Variants in TBX5 observed in about 807,000 individuals in gnomAD.
TBX5 encodes the protein T-box transcription factor 5.
TBX5 carries 8 observed loss-of-function variants against 51.1 expected under a neutral mutation model. The ratio of observed to expected loss-of-function variants is 0.16; its 90% CI spans 0.09 to 0.28. The LOEUF (loss-of-function observed/expected upper bound fraction) is 0.28. Ranked by LOEUF, TBX5 falls within the 10% of genes least tolerant of loss-of-function variation. TBX5 has a pLI of 1.00. For synonymous variants in TBX5, 302 were observed against 266.4 expected (o/e 1.13, Z -1.30); for missense variants, 589 against 671.7 (o/e 0.88, Z 1.36).
rs757883947 is a variant in TBX5, at chr12:114,356,549, G to T, written c.983-443C>A. On this transcript the variant is annotated intron_variant, in intron 8 of 8. Transcript: ENST00000405440. ...GTTTGAGACCAGCCTGGGCAACATA[G>T]TGAGACCCCCCATCTCAAAAATAAA... Among the ~76,000 whole-genome samples the T allele has an allele frequency of 2.6e-5, 4 of 152,116 alleles. No homozygotes were observed. The South Asian group carries it at 8.3e-4, about 32-fold the overall frequency.
intron 7 of TBX5, among the ~76,000 whole-genome samples, chr12:114,378,700 G>A (rs571338359): frequency 7.6e-4 from 116 of 152,202 alleles, no homozygotes; most frequent in Non-Finnish European, 1.2e-3. Context: ...GCAGTGGCAC[G>A]ATCTGGGCTC....
At position 114,354,435 on chromosome 12, in the gene TBX5, A is replaced by G. The variant is rs1294645676; in HGVS notation, c.*1097T>C. The G allele has an allele frequency of 2.0e-5, 3 of 152,032 alleles. No homozygotes were observed. The highest frequency in any genetic ancestry group is 2.0e-4 in the Admixed American group (3 of 15,262). 9.4% of individuals were successfully genotyped at this position (152,032 alleles called of 1,614,324 possible). On this transcript the variant is annotated 3_prime_UTR_variant, in exon 9 of 9. Coordinates refer to ENST00000405440, the MANE Select transcript of TBX5 (RefSeq NM_181486.4). ...TCAGTAAACACAGTTTTGTGTTGGC[A>G]TTGGTGTGGGCGTGGTTTCTTTGGC... is the stretch of plus-strand genomic sequence containing the variant.
At chr12:114,364,178 C>A (rs535245141) in intron 8 of TBX5, among the ~76,000 whole-genome samples, 9 of 152,290 alleles carry the variant, frequency 5.9e-5, no homozygotes, top group African/African-American at 2.2e-4. Context: ...TCATGTAACC[C>A]CAGCTCCAGA....
chr12:114,359,038 C>T (rs545315162), intron 8 of TBX5, among the ~76,000 whole-genome samples: 1 of 151,084 alleles, frequency 6.6e-6, no homozygotes. Flanking sequence ...AAAAACAAGG[C>T]AAACTAACTA....
At chr12:114,359,922 C>A (rs16944097) in intron 8 of TBX5, among the ~76,000 whole-genome samples, 11,887 of 152,248 alleles carry the variant, frequency 0.078, 617 homozygotes, top group South Asian at 0.17. Flanking sequence ...TGGGTCCATT[C>A]TCTTTTCCCT....
upstream of TBX5, chr12:114,407,904 C>A (rs1565945137): frequency 3.0e-6 from 3 of 985,406 alleles, no homozygotes; most frequent in East Asian, 3.4e-4. Flanking sequence ...TGAAAAGGAC[C>A]ACCAAAAGAG....
At chr12:114,394,659 G>C in intron 6 of TBX5, 82 bp downstream of exon 6, 3 of 1,598,784 alleles carry the variant, frequency 1.9e-6, no homozygotes, top group Non-Finnish European at 2.6e-6. Flanking sequence ...GAGGAGCAAA[G>C]TTCCAGCAGG....
chr12:114,376,623 TTAAC>T (rs1870205436), intron 7 of TBX5, among the ~76,000 whole-genome samples: 1 of 151,264 alleles, frequency 6.6e-6, no homozygotes, highest in East Asian at 1.9e-4. Context: ...GTACTTAAAA[TTAAC>T]TAAGAGGGTA....
chr12:114,403,268 A>G (rs1293560262), intron 2 of TBX5, among the ~76,000 whole-genome samples: 1 of 151,900 alleles, frequency 6.6e-6, no homozygotes, highest in Non-Finnish European at 1.5e-5. Flanking sequence ...GGCGGCGCGG[A>G]GGAGGCAGGA....
At chr12:114,375,486 A>G (rs1173332364) in intron 7 of TBX5, among the ~76,000 whole-genome samples, 1 of 152,252 alleles carries the variant, frequency 6.6e-6, no homozygotes, top group Non-Finnish European at 1.5e-5. Context: ...AGACCTGAAT[A>G]GACATTTCTC....
chr12:114,361,675 G>A (rs1869249386), intron 8 of TBX5, among the ~76,000 whole-genome samples: 1 of 152,164 alleles, frequency 6.6e-6, no homozygotes, highest in Admixed American at 6.5e-5. Context: ...GACAATGAGG[G>A]GAAGTCAGAT....
chr12:114,383,880 G>C (rs1870649440), intron 7 of TBX5, among the ~76,000 whole-genome samples: 1 of 152,158 alleles, frequency 6.6e-6, no homozygotes, highest in East Asian at 1.9e-4. Flanking sequence ...GCTCCCACCT[G>C]CACAGCAGGA....
In TBX5 at chr12:114,399,523, C is replaced by T; in HGVS notation, c.352G>A (p.Asp118Asn). 1 of 1,614,096 alleles carries T rather than the reference C, an allele frequency of 6.2e-7. No individual in the cohort carries two copies. The highest frequency in any genetic ancestry group is 2.2e-5 in the East Asian group (1 of 44,880). ...CACCCCAGTGCCTACCATTTATTAT[C>T]TGCGAATTTGTATCTGTGATCGTCG... ...PADDHRYKFA[D>N]NKWSVTGKAE... Residue 118 changes from aspartate (D) to asparagine (N), a missense_variant, in exon 4 of 9, where the codon GAT (aspartate) becomes AAT (asparagine). This residue lies in a region of TBX5 where 85 missense variants were observed against 95.6 expected (regional missense o/e 0.89). Transcript: ENST00000405440.
In TBX5 at chr12:114,355,453, A is replaced by G. The variant is rs1410482381; in HGVS notation, c.*79T>C. 1 of 1,546,338 alleles carries G rather than the reference A, an allele frequency of 6.5e-7. No individual in the cohort carries two copies. Among genetic ancestry groups the G allele is most frequent in the Non-Finnish European group, 8.8e-7 (1 of 1,132,332 alleles). On this transcript the variant is annotated 3_prime_UTR_variant, in exon 9 of 9. Coordinates refer to ENST00000405440, the MANE Select transcript of TBX5 (RefSeq NM_181486.4). ...TCTTGTCCGTGGGGTTCTCTTGGCT[A>G]CTGTCTCTCTCCTTCTCTCTCTTTC...
chr12:114,377,818 C>T (rs1195487491), intron 7 of TBX5, among the ~76,000 whole-genome samples: 2 of 151,988 alleles, frequency 1.3e-5, no homozygotes, highest in African/African-American at 4.8e-5. Context: ...GAAGCCCTAC[C>T]CTACAGGAAC....
chr12:114,386,092 T>C (rs1870802139), intron 6 of TBX5, among the ~76,000 whole-genome samples: 1 of 152,242 alleles, frequency 6.6e-6, no homozygotes, highest in African/African-American at 2.4e-5. Flanking sequence ...TAGCGTTTCC[T>C]AGTTCTGGTG....
rs576143602 is a variant in TBX5, at chr12:114,404,099, G to A, written c.-38-163C>T. 2.6e-4 allele frequency: 172 copies of A among 666,680 alleles called. 1 individual carries two copies. The Middle Eastern group carries it at 3.3e-3, about 13-fold the overall frequency. The allele number at this position is 666,680 out of a possible 1,614,324, so 41.3% of individuals were successfully genotyped here. ...CCGAAGGTGACTGCAGAAGGCCCTA[G>A]AATTATTACTGTTACTAGTATTCCT... On this transcript the variant is annotated intron_variant, in intron 1 of 8. Transcript: ENST00000405440.
chr12:114,396,957 C>T (rs1871466596), intron 5 of TBX5, among the ~76,000 whole-genome samples: 1 of 152,192 alleles, frequency 6.6e-6, no homozygotes, highest in African/African-American at 2.4e-5. Context: ...CTTCCGAGCG[C>T]TCCAAGCAGG....
intron 1 of TBX5, among the ~76,000 whole-genome samples, chr12:114,404,993 G>GA (rs1338826187): frequency 6.6e-6 from 1 of 152,222 alleles, no homozygotes; most frequent in Non-Finnish European, 1.5e-5. Context: ...CGATGAGCCT[G>GA]TCTCCTGCTC....
Sources: allele counts gnomAD v4.1 joint callset (sites outside exome capture counted in the v4.1 genomes callset), GRCh38; gene constraint gnomAD v4.1.1; regional missense constraint gnomAD v4.1.1; transcripts MANE v1.5; gene names NCBI Gene and HGNC (gene_info 2026-07-23, HGNC 2026-07-21).